The following TENM1 variants were observed in gnomAD, a reference collection of about 807,000 sequenced individuals.
The protein encoded by TENM1 is teneurin-1.
Under a neutral mutation model 174.8 loss-of-function variants are expected in TENM1, and 35 were observed. The ratio of observed to expected loss-of-function variants is 0.20; its 90% CI spans 0.15 to 0.27. The LOEUF is 0.27. Among genes scored for constraint, TENM1 ranks in the 10% least tolerant of loss-of-function variants. The pLI, the probability that TENM1 is intolerant of heterozygous loss-of-function variation, is 1.00. For missense variants in TENM1, 1,633 were observed against 2,130.1 expected, an observed-to-expected ratio of 0.77 and a Z score of 4.59; for synonymous variants, 781 against 798.7, an observed-to-expected ratio of 0.98 and a Z score of 0.37.
intron 1 of TENM1, among the ~76,000 whole-genome samples, chrX:124,955,422 A>C (rs72610656): frequency 0.12 from 1 of 8 alleles, no homozygotes; most frequent in African/African-American, 0.5. Flanking sequence ...GTTACTGTCT[A>C]TTATTTGACA....
At chrX:125,157,396 C>T in the TENM1 span, among the ~76,000 whole-genome samples, 1 of 112,129 alleles carries the variant, frequency 8.9e-6, no homozygotes, top group African/African-American at 3.2e-5. Flanking sequence ...CAAGTGTCAG[C>T]ACCGAGTTAC....
intron 5 of TENM1, among the ~76,000 whole-genome samples, chrX:124,694,145 C>T (rs2052595363): frequency 8.9e-6 from 1 of 111,751 alleles, no homozygotes; most frequent in Non-Finnish European, 1.9e-5. Context: ...TGTGCCTTCC[C>T]AAGGCTACCA....
intron 4 of TENM1, among the ~76,000 whole-genome samples, chrX:124,722,839 CAAAA>C (rs761441453): frequency 1.2e-4 from 3 of 24,755 alleles, no homozygotes; most frequent in African/African-American, 1.4e-4. Context: ...GACTCCGTCT[CAAAA>C]AAAAAAAAAA....
At chrX:124,452,442 CCAGT>C (rs2061050267) in intron 23 of TENM1, among the ~76,000 whole-genome samples, 1 of 112,045 alleles carries the variant, frequency 8.9e-6, no homozygotes, top group Non-Finnish European at 1.9e-5. Flanking sequence ...ACTGGTTCAA[CCAGT>C]GTGGAAGTCA....
intron 4 of TENM1, among the ~76,000 whole-genome samples, chrX:124,728,711 T>C (rs975446351): frequency 9.0e-6 from 1 of 111,674 alleles, no homozygotes; most frequent in African/African-American, 3.3e-5. Flanking sequence ...ATGGTACTGT[T>C]ATTTATTTAC....
intron 1 of TENM1, among the ~76,000 whole-genome samples, chrX:124,908,674 A>G (rs1184190890): frequency 9.0e-6 from 1 of 111,030 alleles, no homozygotes; most frequent in Non-Finnish European, 1.9e-5. Flanking sequence ...AATTTTTTTA[A>G]AAAAGAAGAT....
intron 14 of TENM1, among the ~76,000 whole-genome samples, chrX:124,556,112 T>A (rs192707493): frequency 9.0e-6 from 1 of 111,428 alleles, no homozygotes; most frequent in African/African-American, 3.3e-5. Context: ...GAAGACAAAA[T>A]ACAATCAAAA....
At chrX:124,914,528 G>A (rs146234103) in intron 1 of TENM1, among the ~76,000 whole-genome samples, 2,186 of 111,576 alleles carry the variant, frequency 0.02, 42 homozygotes, top group African/African-American at 0.067. Flanking sequence ...TTTAAAAGAC[G>A]CCTTACATTT....
the TENM1 span, among the ~76,000 whole-genome samples, chrX:125,149,600 T>C: frequency 8.9e-6 from 1 of 111,936 alleles, no homozygotes; most frequent in Non-Finnish European, 1.9e-5. Flanking sequence ...AGAGGATAAA[T>C]TCTAATGCAT....
intron 3 of TENM1, among the ~76,000 whole-genome samples, chrX:124,868,255 C>T (rs1297346355): frequency 8.9e-6 from 1 of 111,867 alleles, no homozygotes. Context: ...GTAACCAAAA[C>T]AGCATGGCAC....
At chrX:125,010,937 A>G in the TENM1 span, among the ~76,000 whole-genome samples, 1 of 111,759 alleles carries the variant, frequency 8.9e-6, no homozygotes, top group Non-Finnish European at 1.9e-5. Context: ...AAATTATACT[A>G]CAAGGTTACA....
chrX:125,037,658 T>C, the TENM1 span, among the ~76,000 whole-genome samples: 1 of 111,798 alleles, frequency 8.9e-6, no homozygotes, highest in South Asian at 3.7e-4. Context: ...GTTTCCAGTT[T>C]CATCTATTTG....
the TENM1 span, among the ~76,000 whole-genome samples, chrX:125,163,559 G>C: frequency 9.0e-6 from 1 of 111,017 alleles, no homozygotes; most frequent in Admixed American, 9.6e-5. Flanking sequence ...CATGAACTCT[G>C]CTTAATGTTC....
the TENM1 span, among the ~76,000 whole-genome samples, chrX:125,021,109 T>C: frequency 9.0e-6 from 1 of 111,289 alleles, no homozygotes; most frequent in Non-Finnish European, 1.9e-5. Flanking sequence ...TTAGGTTTTT[T>C]TTGCCTTAAA....
chrX:124,406,075 T>C (rs1244153823), intron 26 of TENM1, among the ~76,000 whole-genome samples: 1 of 107,448 alleles, frequency 9.3e-6, no homozygotes, highest in Non-Finnish European at 1.9e-5. Context: ...AATAAGTTGA[T>C]AGCAGAGCAG....
intron 1 of TENM1, among the ~76,000 whole-genome samples, chrX:124,928,096 G>A (rs1230642185): frequency 8.9e-6 from 1 of 112,034 alleles, no homozygotes; most frequent in Non-Finnish European, 1.9e-5. Flanking sequence ...AATCAAAACT[G>A]AAATAACTGT....
At chrX:125,066,620 T>C in the TENM1 span, among the ~76,000 whole-genome samples, 3 of 111,833 alleles carry the variant, frequency 2.7e-5, no homozygotes, top group Admixed American at 2.9e-4. Context: ...CACTTTCAGA[T>C]TGAAAATATA....
At chrX:125,070,214 A>G in the TENM1 span, among the ~76,000 whole-genome samples, 5 of 108,318 alleles carry the variant, frequency 4.6e-5, no homozygotes, top group African/African-American at 1.7e-4. Context: ...AATAATAATA[A>G]TAGCCATTCT....
At chrX:125,008,249 A>C in the TENM1 span, among the ~76,000 whole-genome samples, 1 of 96,063 alleles carries the variant, frequency 1.0e-5, no homozygotes, top group South Asian at 4.6e-4. Flanking sequence ...CTAATAAAAC[A>C]AATGTTAAAC....
Sources: gnomAD v4.1 joint callset for allele counts (sites outside exome capture counted in the v4.1 genomes callset) on GRCh38, gnomAD v4.1.1 for gene constraint, MANE v1.5 for transcripts, NCBI Gene and HGNC (gene_info 2026-07-23, HGNC 2026-07-21) for gene names.